Variants in COL13A1 observed in about 807,000 individuals in gnomAD.
The protein encoded by COL13A1 is collagen type XIII alpha 1 chain, also known as collagen alpha-1(XIII) chain.
Under a neutral mutation model 130.9 loss-of-function variants are expected in COL13A1, and 89 were observed. The ratio of observed to expected loss-of-function variants is 0.68; its 90% CI spans 0.57 to 0.81. The LOEUF (loss-of-function observed/expected upper bound fraction) is 0.81. Ranked by LOEUF, COL13A1 falls within the 30% of genes least tolerant of loss-of-function variation. The pLI is 0.00. For synonymous variants in COL13A1, 402 were observed against 341.6 expected, an observed-to-expected ratio of 1.18 and a Z score of -1.95; for missense variants, 879 against 934.6, an observed-to-expected ratio of 0.94 and a Z score of 0.78.
chr10:69,903,141 A>G (rs2062375303), intron 15 of COL13A1, among the ~76,000 whole-genome samples: 1 of 152,220 alleles, frequency 6.6e-6, no homozygotes. Context: ...ATTTGGAAAG[A>G]GAATTCCCAA....
chr10:69,917,369 A>T, intron 18 of COL13A1, 36 bp downstream of exon 18: 4 of 1,588,224 alleles, frequency 2.5e-6, no homozygotes, highest in Non-Finnish European at 3.4e-6. Context: ...GGCAGCCCCA[A>T]GGCCCCTCCC....
At chr10:69,891,570 C>T (rs867542985) in intron 10 of COL13A1, among the ~76,000 whole-genome samples, 6 of 152,186 alleles carry the variant, frequency 3.9e-5, no homozygotes, top group Admixed American at 2.0e-4. Context: ...CATTTCCCCC[C>T]GCCCCTACCC....
rs562561690 is a variant in COL13A1 at position 69,821,735 on chromosome 10, G to A, written c.295-634G>A. 1.2e-3 allele frequency among the ~76,000 whole-genome samples: 180 copies of A among 152,318 alleles called. 1 individual carries two copies. Among genetic ancestry groups the A allele is most frequent in the African/African-American group, 4.2e-3 (173 of 41,582 alleles). On this transcript the variant is annotated intron_variant, in intron 1 of 40. Coordinates refer to ENST00000645393, the MANE Select transcript of COL13A1 (RefSeq NM_001368882.1). ...GTTGACACACAGGGGAATCCTGCAT[G>A]CATGGTCATTACGCTTGCTCTTCTC...
intron 32 of COL13A1, among the ~76,000 whole-genome samples, chr10:69,936,164 GGAAGGAAGGAAGGAAAGGAAA>G (rs2135974655): frequency 2.8e-4 from 2 of 7,048 alleles, no homozygotes; most frequent in South Asian, 0.023. Flanking sequence ...AAGGAAGGAA[GGAAGGAAGGAAGGAAAGGAAA>G]GGAAGGAAGG....
At chr10:69,839,720 G>A (rs1851073893) in intron 2 of COL13A1, among the ~76,000 whole-genome samples, 1 of 151,984 alleles carries the variant, frequency 6.6e-6, no homozygotes, top group Non-Finnish European at 1.5e-5. Flanking sequence ...AATCCCTGAG[G>A]TCGGAATGAG....
rs753458032 is a variant in COL13A1, at chr10:69,918,336, C to T, written c.999+19C>T. The T allele has an allele frequency of 3.7e-6, 6 of 1,612,468 alleles. No individual in the cohort carries two copies. In the South Asian group the frequency reaches 6.6e-5, roughly 18 times the overall value. On this transcript the variant is annotated intron_variant, in intron 19 of 40. Coordinates refer to ENST00000645393, the MANE Select transcript of COL13A1 (RefSeq NM_001368882.1). ...GATGAAGGTCAGTGGACTGTTGTAA[C>T]CAACACATCAGGGACAGGGTGGGAG...
intron 2 of COL13A1, among the ~76,000 whole-genome samples, chr10:69,835,668 G>A (rs1048861955): frequency 6.6e-6 from 1 of 152,174 alleles, no homozygotes. Context: ...GCAGTGGCAG[G>A]GTTGGGACTG....
chr10:69,837,646 A>G (rs1850461655), intron 2 of COL13A1, among the ~76,000 whole-genome samples: 1 of 152,024 alleles, frequency 6.6e-6, no homozygotes, highest in African/African-American at 2.4e-5. Context: ...TCTTCTCCTC[A>G]CTTCTGTGGA....
intron 36 of COL13A1, among the ~76,000 whole-genome samples, chr10:69,944,508 A>T (rs1163156282): frequency 6.6e-6 from 1 of 151,998 alleles, no homozygotes; most frequent in Non-Finnish European, 1.5e-5. Context: ...ATTTTTTTAA[A>T]ATTAGCCAGG....
intron 1 of COL13A1, among the ~76,000 whole-genome samples, chr10:69,809,606 C>T (rs1334721900): frequency 6.6e-6 from 1 of 152,222 alleles, no homozygotes; most frequent in Admixed American, 6.5e-5. Flanking sequence ...GCATCCTCAG[C>T]CACTAGGATG....
At chr10:69,866,824 C>T (rs771046350) in intron 2 of COL13A1, among the ~76,000 whole-genome samples, 6 of 152,016 alleles carry the variant, frequency 3.9e-5, no homozygotes, top group South Asian at 4.2e-4. Context: ...GGGAGGAGCA[C>T]GGGGAAACAT....
chr10:69,839,194 G>A (rs895273068), intron 2 of COL13A1, among the ~76,000 whole-genome samples: 6 of 152,154 alleles, frequency 3.9e-5, no homozygotes, highest in Non-Finnish European at 2.9e-5. Context: ...TCGTTCGTTC[G>A]TTCAACAAAT....
intron 1 of COL13A1, among the ~76,000 whole-genome samples, chr10:69,815,908 G>T (rs535554733): frequency 6.6e-6 from 1 of 152,102 alleles, no homozygotes; most frequent in East Asian, 1.9e-4. Flanking sequence ...TCCTAAGGAG[G>T]AAATAAAACA....
chr10:69,900,466 A>G (rs1481696619), intron 14 of COL13A1, among the ~76,000 whole-genome samples: 1 of 152,186 alleles, frequency 6.6e-6, no homozygotes, highest in African/African-American at 2.4e-5. Flanking sequence ...TTTCTGTGCT[A>G]CCCTGACCTG....
At chr10:69,869,473 C>G (rs1369164459) in intron 3 of COL13A1, among the ~76,000 whole-genome samples, 1 of 152,210 alleles carries the variant, frequency 6.6e-6, no homozygotes, top group Non-Finnish European at 1.5e-5. Flanking sequence ...TCTGAGATGC[C>G]TGTCTGATGC....
At chr10:69,871,502 G>A (rs1017553526) in intron 3 of COL13A1, among the ~76,000 whole-genome samples, 2 of 152,160 alleles carry the variant, frequency 1.3e-5, no homozygotes, top group Non-Finnish European at 2.9e-5. Context: ...CCGACTGGTG[G>A]GTGTCACTGC....
At chr10:69,835,936 CTAT>C (rs1247670300) in intron 2 of COL13A1, among the ~76,000 whole-genome samples, 1 of 152,206 alleles carries the variant, frequency 6.6e-6, no homozygotes, top group Non-Finnish European at 1.5e-5. Context: ...GTGGCAGGTA[CTAT>C]TATTATCTCC....
At chr10:69,816,624 G>A (rs1400682063) in intron 1 of COL13A1, among the ~76,000 whole-genome samples, 1 of 152,090 alleles carries the variant, frequency 6.6e-6, no homozygotes, top group Non-Finnish European at 1.5e-5. Context: ...TAGATAAGAA[G>A]GAATCAGCAC....
In COL13A1 at chr10:69,935,486, T is replaced by G. The variant is rs533945556; in HGVS notation, c.1770+95T>G. The G allele has an allele frequency of 4.7e-5, 43 of 919,444 alleles. No individual in the cohort carries two copies. In the East Asian group the frequency reaches 1.1e-3, roughly 23 times the overall value. The allele number at this position is 919,444 out of a possible 1,614,324, so 57.0% of individuals were successfully genotyped here. A position where few individuals can be genotyped will look rare whatever the true frequency, so the allele number is the denominator to read the frequency against. On this transcript the variant is annotated intron_variant, in intron 32 of 40. Coordinates refer to ENST00000645393, the MANE Select transcript of COL13A1 (RefSeq NM_001368882.1). ...CCTCAGCCTTAGTCACTATCACCTCTTCCTCCCAGGGAGGGATTTTCTGGT... is the reference window on the plus strand; with the variant it reads ...CCTCAGCCTTAGTCACTATCACCTCGTCCTCCCAGGGAGGGATTTTCTGGT...
Sources: gnomAD v4.1 joint callset for allele counts (sites outside exome capture counted in the v4.1 genomes callset) on GRCh38, gnomAD v4.1.1 for gene constraint, MANE v1.5 for transcripts, NCBI Gene and HGNC (gene_info 2026-07-23, HGNC 2026-07-21) for gene names.